The following PLEKHA5 variants were observed in gnomAD, a reference collection of about 807,000 sequenced individuals.
PLEKHA5 encodes the protein pleckstrin homology domain-containing family A member 5.
In PLEKHA5, 55 loss-of-function variants were observed where a neutral mutation model predicts 181.9. The observed-to-expected ratio is 0.30, with a 90% CI of 0.24 to 0.38. The LOEUF (loss-of-function observed/expected upper bound fraction) is 0.38. PLEKHA5 is among the 10% of genes least tolerant of loss of function. The pLI is 1.00. For missense variants in PLEKHA5, 1,432 were observed against 1,549.5 expected, an observed-to-expected ratio of 0.92 and a Z score of 1.27; for synonymous variants, 535 against 529.4, an observed-to-expected ratio of 1.01 and a Z score of -0.15.
chr12:19,306,238 A>G (rs1048293891), intron 15 of PLEKHA5, among the ~76,000 whole-genome samples: 1 of 152,132 alleles, frequency 6.6e-6, no homozygotes, highest in African/African-American at 2.4e-5. Flanking sequence ...CACCGGCATT[A>G]TTACCTAAGT....
intron 26 of PLEKHA5, among the ~76,000 whole-genome samples, chr12:19,355,197 TAACTC>T (rs1485445570): frequency 1.3e-5 from 2 of 152,194 alleles, no homozygotes; most frequent in African/African-American, 4.8e-5. Context: ...TGAGAACACT[TAACTC>T]CCTTTCTTCA....
chr12:19,133,607 C>A (rs190107744), intron 3 of PLEKHA5, among the ~76,000 whole-genome samples: 147 of 151,868 alleles, frequency 9.7e-4, no homozygotes, highest in African/African-American at 3.4e-3. Context: ...TTATAATTAC[C>A]TGTATGGTTC....
chr12:19,351,293 T>C lies in PLEKHA5; in HGVS notation c.3020-2591T>C, dbSNP rs191544352. Among the ~76,000 whole-genome samples the C allele has an allele frequency of 3.3e-5, 5 of 152,238 alleles. No individual in the cohort carries two copies. In the East Asian group the frequency reaches 9.7e-4, roughly 29 times the overall value. On this transcript the variant is annotated intron_variant, in intron 25 of 31. Coordinates refer to ENST00000429027, the MANE Select transcript of PLEKHA5 (RefSeq NM_001256470.2). Reference sequence around the variant, plus strand: ...GGCTCATTCCTGTAATCTCAGCACTTTGGGAGGCCGAAGCAGATGGATTGC... The same window carrying C: ...GGCTCATTCCTGTAATCTCAGCACTCTGGGAGGCCGAAGCAGATGGATTGC...
At chr12:19,191,092 T>C (rs1317678570) in intron 3 of PLEKHA5, among the ~76,000 whole-genome samples, 1 of 152,232 alleles carries the variant, frequency 6.6e-6, no homozygotes, top group Non-Finnish European at 1.5e-5. Flanking sequence ...CACTGTCCAC[T>C]TTATATAATA....
intron 3 of PLEKHA5, among the ~76,000 whole-genome samples, chr12:19,231,608 A>T: frequency 9.9e-5 from 2 of 20,102 alleles, no homozygotes; most frequent in Non-Finnish European, 1.4e-4. Flanking sequence ...ACATATATAT[A>T]TATAAATACT....
chr12:19,347,473 T>C (rs531340256), intron 24 of PLEKHA5, among the ~76,000 whole-genome samples: 19 of 152,182 alleles, frequency 1.2e-4, no homozygotes, highest in African/African-American at 4.1e-4. Flanking sequence ...ATTTTAGATA[T>C]ACCATTTTAG....
chr12:19,317,860 A>AT, intron 16 of PLEKHA5, among the ~76,000 whole-genome samples: 1 of 132,644 alleles, frequency 7.5e-6, no homozygotes, highest in South Asian at 2.3e-4. Context: ...TACATAGCCC[A>AT]TTTTTTCATT....
intron 3 of PLEKHA5, among the ~76,000 whole-genome samples, chr12:19,140,877 C>T (rs2037063229): frequency 6.6e-6 from 1 of 152,194 alleles, no homozygotes; most frequent in South Asian, 2.1e-4. Flanking sequence ...CAACCTCTGC[C>T]TCCTGGGTTC....
chr12:19,308,691 C>A (rs75782577), intron 15 of PLEKHA5, among the ~76,000 whole-genome samples: 9,586 of 152,092 alleles, frequency 0.063, 522 homozygotes, highest in East Asian at 0.2. Context: ...TGATGGATCT[C>A]CTTATGGTCT....
chr12:19,289,708 C>G (rs1480120026), intron 13 of PLEKHA5, among the ~76,000 whole-genome samples: 1 of 151,758 alleles, frequency 6.6e-6, no homozygotes, highest in Non-Finnish European at 1.5e-5. Flanking sequence ...AATCAGGAAC[C>G]AAAAAAAGGT....
chr12:19,302,906 A>ATTTTTTTTTTTTTT (rs34702332), intron 15 of PLEKHA5, among the ~76,000 whole-genome samples: 12 of 53,992 alleles, frequency 2.2e-4, no homozygotes, highest in African/African-American at 4.5e-4. Context: ...TCTGTATGAA[A>ATTTTTTTTTTTTTT]TTTTTTTTTT....
At chr12:19,176,290 A>C (rs1456336998) in intron 3 of PLEKHA5, 2 of 54,658 alleles carry the variant, frequency 3.7e-5, no homozygotes, top group Non-Finnish European at 4.0e-5. Context: ...TTTTTTTTTT[A>C]AGATGGAGCC....
At chr12:19,223,784 G>T (rs1357616896) in intron 3 of PLEKHA5, among the ~76,000 whole-genome samples, 2 of 152,034 alleles carry the variant, frequency 1.3e-5, no homozygotes, top group African/African-American at 4.8e-5. Context: ...CAGTTAATGG[G>T]GTCAAGCAGC....
At chr12:19,224,419 T>A (rs1339567156) in intron 3 of PLEKHA5, among the ~76,000 whole-genome samples, 2 of 152,064 alleles carry the variant, frequency 1.3e-5, no homozygotes, top group African/African-American at 4.8e-5. Flanking sequence ...TACCATTAAC[T>A]TCTTTTCCCA....
At chr12:19,344,206 G>A (rs542335670) in intron 22 of PLEKHA5, among the ~76,000 whole-genome samples, 2 of 152,038 alleles carry the variant, frequency 1.3e-5, no homozygotes, top group African/African-American at 4.8e-5. Context: ...TTATTTTAAT[G>A]CATTTTTCTG....
chr12:19,315,995 G>A (rs1173282678), intron 16 of PLEKHA5, among the ~76,000 whole-genome samples: 1 of 151,994 alleles, frequency 6.6e-6, no homozygotes, highest in Non-Finnish European at 1.5e-5. Context: ...AAGTTAAACA[G>A]CTTTACTTAT....
chr12:19,154,981 A>G (rs1053309198), intron 3 of PLEKHA5, among the ~76,000 whole-genome samples: 1 of 152,198 alleles, frequency 6.6e-6, no homozygotes, highest in Non-Finnish European at 1.5e-5. Context: ...CTGGATTTAC[A>G]CTGGTGGGGC....
chr12:19,328,027 G>A (rs1305200164), intron 20 of PLEKHA5, among the ~76,000 whole-genome samples: 1 of 152,138 alleles, frequency 6.6e-6, no homozygotes, highest in Non-Finnish European at 1.5e-5. Flanking sequence ...AAAGTAACGG[G>A]TCAGTTTCAT....
intron 3 of PLEKHA5, among the ~76,000 whole-genome samples, chr12:19,228,788 TCTC>T (rs949573306): frequency 2.0e-5 from 3 of 152,162 alleles, no homozygotes; most frequent in Non-Finnish European, 4.4e-5. Context: ...ATTTTTTAAT[TCTC>T]CTACAGGATC....
Sources: allele counts gnomAD v4.1 joint callset (sites outside exome capture counted in the v4.1 genomes callset), GRCh38; gene constraint gnomAD v4.1.1; transcripts MANE v1.5; gene names NCBI Gene and HGNC (gene_info 2026-07-23, HGNC 2026-07-21).